Variants in RASA3 observed in about 807,000 individuals in gnomAD.
The protein encoded by RASA3 is ras GTPase-activating protein 3.
A neutral mutation model predicts 110.0 loss-of-function variants in RASA3; 73 were observed. That is an observed-to-expected ratio of 0.66 (90% CI 0.55 to 0.81). RASA3 has a LOEUF of 0.81. Ranked by LOEUF, RASA3 falls within the 30% of genes least tolerant of loss-of-function variation. The pLI, the probability that RASA3 is intolerant of heterozygous loss-of-function variation, is 0.00. For synonymous variants in RASA3, 500 were observed against 451.4 expected (o/e 1.11, Z -1.37); for missense variants, 976 against 1,113.2 (o/e 0.88, Z 1.75).
At chr13:114,063,332 A>G (rs932124432) in intron 2 of RASA3, among the ~76,000 whole-genome samples, 1 of 150,520 alleles carries the variant, frequency 6.6e-6, no homozygotes, top group African/African-American at 2.4e-5. Context: ...TATACAAAAT[A>G]TAAATATATT....
intron 1 of RASA3, among the ~76,000 whole-genome samples, chr13:114,108,321 ACCC>A (rs1481045088): frequency 2.4e-5 from 2 of 84,056 alleles, no homozygotes; most frequent in African/African-American, 9.5e-5. Context: ...TGAAACCATC[ACCC>A]CATCTGTCAC....
intron 10 of RASA3, 75 bp downstream of exon 10, chr13:114,018,688 G>A (rs1266138294): frequency 1.3e-6 from 2 of 1,554,590 alleles, no homozygotes; most frequent in African/African-American, 1.4e-5. Context: ...TCTGGGGTGG[G>A]CCCGGGTGTA....
chr13:114,122,775 AG>A (rs1178503187), intron 1 of RASA3, among the ~76,000 whole-genome samples: 1 of 151,644 alleles, frequency 6.6e-6, no homozygotes, highest in Non-Finnish European at 1.5e-5. Context: ...GCAGCTAGGA[AG>A]GGGGTCTCCG....
chr13:114,035,074 G>A (rs1266017883), intron 4 of RASA3, among the ~76,000 whole-genome samples: 9 of 152,110 alleles, frequency 5.9e-5, no homozygotes, highest in African/African-American at 2.2e-4. Context: ...AGATCTGAAC[G>A]CTGACCTGAG....
At chr13:114,031,493 C>T (rs9562105) in intron 4 of RASA3, among the ~76,000 whole-genome samples, 14,251 of 148,622 alleles carry the variant, frequency 0.096, 1,448 homozygotes, top group African/African-American at 0.25. Context: ...TGTGTGTGTG[C>T]GCGACTGTGT....
At position 114,115,785 on chromosome 13, in the gene RASA3, G is replaced by A. The variant is rs114138216; in HGVS notation, c.55+16650C>T. On this transcript the variant is annotated intron_variant, in intron 1 of 23. Coordinates refer to ENST00000334062, the MANE Select transcript of RASA3 (RefSeq NM_007368.4). The surrounding 1 kb of genome is among the most constrained non-coding windows in gnomAD (Gnocchi z 5.0). The stretch of plus-strand genomic sequence containing the variant: ...GCCTGGAATGATGAGGAGCCCCCAC[G>A]CCTTCTCAGTCTCCTGTAACGACGT... 0.14 allele frequency among the ~76,000 whole-genome samples: 21,310 copies of A among 152,226 alleles called. 1,755 individuals are homozygous for A. The highest frequency in any genetic ancestry group is 0.2 in the Middle Eastern group (59 of 294).
At position 114,007,587 on chromosome 13, in the gene RASA3, G is replaced by A. The variant is rs1463435573; in HGVS notation, c.1688C>T (p.Ser563Phe). The stretch of plus-strand genomic sequence containing the variant: ...ACTCTTGGGGTCTCTTCTCCCCGAG[G>A]ACGAAATCAGATCCAAGAACTAAAG... ...AVKNFLDLIS[S>F]SGRRDPKSVE... is the part of the protein sequence containing the mutation. The change falls in exon 18 of 24, where the codon TCC (serine) becomes TTC (phenylalanine). Residue 563 changes from serine to phenylalanine, a missense_variant. By Grantham distance (155) the Ser-to-Phe change is radical. Around this residue, in one of 4 missense-constraint regions of RASA3, gnomAD observed 732 missense variants for 779.7 expected, o/e 0.94. Transcript: ENST00000334062. 2 of 1,613,142 alleles carry A rather than the reference G, an allele frequency of 1.2e-6. No homozygotes were observed. The highest frequency in any genetic ancestry group is 2.2e-5 in the East Asian group (1 of 44,876).
rs2080164903 is a variant in RASA3, at chr13:114,108,273, GTCTGT to G, written c.55+24157_55+24161del. Among the ~76,000 whole-genome samples the G allele has an allele frequency of 9.2e-4, 28 of 30,512 alleles. No homozygotes were observed. The South Asian group carries it at 0.034, about 37-fold the overall frequency. 20.0% of individuals were successfully genotyped at this position (30,512 alleles called of 152,430 possible). A position where few individuals can be genotyped will look rare whatever the true frequency, so the allele number is the denominator to read the frequency against. ...TGTCACCCTGCATCCGTCACCCCGT[GTCTGT>G]CATCCCCGTCCGTCACCCCATGTCT... On this transcript the variant is annotated intron_variant, in intron 1 of 23. Transcript: ENST00000334062.
chr13:114,132,226 G>A (rs1342940020), intron 1 of RASA3, among the ~76,000 whole-genome samples: 1 of 152,158 alleles, frequency 6.6e-6, no homozygotes, highest in East Asian at 1.9e-4. Context: ...GCGTTACCCC[G>A]GAGCCGACTC....
chr13:114,104,537 G>C (rs192133118), intron 1 of RASA3, among the ~76,000 whole-genome samples: 1 of 152,102 alleles, frequency 6.6e-6, no homozygotes, highest in African/African-American at 2.4e-5. Flanking sequence ...TCCGGTGGCG[G>C]GCACACCCAG....
At chr13:114,109,232 G>C (rs1030565828) in intron 1 of RASA3, among the ~76,000 whole-genome samples, 1 of 152,198 alleles carries the variant, frequency 6.6e-6, no homozygotes, top group East Asian at 1.9e-4. Flanking sequence ...CTGGTGCCAG[G>C]GTCTTGCTTG....
At chr13:114,089,364 A>C (rs756988515) in intron 1 of RASA3, among the ~76,000 whole-genome samples, 2 of 151,226 alleles carry the variant, frequency 1.3e-5, no homozygotes, top group Non-Finnish European at 3.0e-5. Flanking sequence ...ACCTGGTGGA[A>C]ACCTCACAGA....
At chr13:113,993,689 T>C in intron 21 of RASA3, among the ~76,000 whole-genome samples, 1 of 150,148 alleles carries the variant, frequency 6.7e-6, no homozygotes, top group South Asian at 2.1e-4. Context: ...ACACCTATAA[T>C]CCCAGCTGCC....
At chr13:114,001,990 C>G (rs568682387) in intron 18 of RASA3, among the ~76,000 whole-genome samples, 10 of 152,398 alleles carry the variant, frequency 6.6e-5, no homozygotes, top group African/African-American at 2.4e-4. Context: ...GGACCTCAAG[C>G]CTTGCCCTGG....
At chr13:114,079,646 C>T (rs2079749549) in intron 1 of RASA3, among the ~76,000 whole-genome samples, 1 of 152,230 alleles carries the variant, frequency 6.6e-6, no homozygotes, top group African/African-American at 2.4e-5. Flanking sequence ...TCGAACAGGT[C>T]CTCCTCCAGG....
intron 1 of RASA3, among the ~76,000 whole-genome samples, chr13:114,123,716 C>T (rs952083262): frequency 2.0e-5 from 3 of 152,214 alleles, no homozygotes; most frequent in African/African-American, 7.2e-5. Flanking sequence ...TCTGGCCCAT[C>T]CTGGGGCGAG....
intron 2 of RASA3, among the ~76,000 whole-genome samples, chr13:114,064,110 C>G (rs1027810299): frequency 2.0e-5 from 3 of 152,196 alleles, no homozygotes; most frequent in Non-Finnish European, 2.9e-5. Flanking sequence ...AAAACCCCCA[C>G]AAATTTGTTA....
chr13:114,020,224 G>GC (rs1375099761), intron 9 of RASA3, among the ~76,000 whole-genome samples: 2 of 61,094 alleles, frequency 3.3e-5, no homozygotes, highest in Admixed American at 1.5e-4. Flanking sequence ...GGCATTAGCA[G>GC]CCCTGTCAGG....
intron 1 of RASA3, among the ~76,000 whole-genome samples, chr13:114,116,883 G>A (rs2139775794): frequency 7.2e-6 from 1 of 139,636 alleles, no homozygotes; most frequent in East Asian, 2.3e-4. Context: ...ACATGTATGA[G>A]GGGTGCACGT....
Sources: allele counts gnomAD v4.1 joint callset (sites outside exome capture counted in the v4.1 genomes callset), GRCh38; gene constraint gnomAD v4.1.1; regional missense constraint gnomAD v4.1.1; non-coding constraint Gnocchi (gnomAD v3.1); transcripts MANE v1.5; gene names NCBI Gene and HGNC (gene_info 2026-07-23, HGNC 2026-07-21).